Variants in CNTLN observed in about 807,000 individuals in gnomAD.
CNTLN encodes the protein centlein, centrosomal protein.
A neutral mutation model predicts 180.0 loss-of-function variants in CNTLN; 212 were observed. The observed-to-expected ratio is 1.18, with a 90% CI of 1.05 to 1.32. CNTLN has a LOEUF of 1.32. CNTLN is among the 40% of genes most tolerant of loss of function. The probability of loss-of-function intolerance (pLI) is 0.00; values close to 1 mark genes in which losing one functional copy is unlikely to be tolerated. For missense variants in CNTLN, 2,095 were observed against 1,610.9 expected (o/e 1.30, Z -5.14); for synonymous variants, 722 against 563.1 (o/e 1.28, Z -3.99).
intron 25 of CNTLN, chr9:17,495,128 C>T (rs969849337): frequency 2.9e-6 from 1 of 343,210 alleles, no homozygotes; most frequent in South Asian, 2.2e-5. Flanking sequence ...GATCTGCCTG[C>T]CTCAGCCTCT....
At chr9:17,221,239 A>G (rs1026936263) in intron 2 of CNTLN, among the ~76,000 whole-genome samples, 6 of 152,138 alleles carry the variant, frequency 3.9e-5, no homozygotes, top group Non-Finnish European at 7.4e-5. Flanking sequence ...GTGACAAATT[A>G]TAGGTAAAGT....
chr9:17,511,570 T>C, the CNTLN span, among the ~76,000 whole-genome samples: 1 of 152,030 alleles, frequency 6.6e-6, no homozygotes, highest in Admixed American at 6.6e-5. Flanking sequence ...TGCTAGCTAT[T>C]GGTTGGAGTC....
At chr9:17,506,583 T>C (rs1254122844), downstream of CNTLN, among the ~76,000 whole-genome samples, 1 of 152,156 alleles carries the variant, frequency 6.6e-6, no homozygotes, top group African/African-American at 2.4e-5. Context: ...CTGACAGCTT[T>C]GCCTATTTTA....
intron 5 of CNTLN, among the ~76,000 whole-genome samples, chr9:17,250,544 CAT>C (rs746483864): frequency 1.3e-5 from 2 of 151,932 alleles, no homozygotes; most frequent in Non-Finnish European, 2.9e-5. Context: ...GTAGATTGCA[CAT>C]ATCTTTCTAA....
intron 2 of CNTLN, among the ~76,000 whole-genome samples, chr9:17,193,490 G>T (rs1453356935): frequency 6.6e-6 from 1 of 151,924 alleles, no homozygotes; most frequent in African/African-American, 2.4e-5. Context: ...ATCCAGTGGG[G>T]CAGTCAAATC....
intron 12 of CNTLN, among the ~76,000 whole-genome samples, chr9:17,353,076 T>A (rs1315221749): frequency 6.6e-6 from 1 of 152,202 alleles, no homozygotes; most frequent in Non-Finnish European, 1.5e-5. Context: ...GGTATAAACC[T>A]ATGAGTGGAA....
intron 15 of CNTLN, among the ~76,000 whole-genome samples, chr9:17,398,707 G>A (rs913534003): frequency 6.6e-6 from 1 of 152,006 alleles, no homozygotes; most frequent in Non-Finnish European, 1.5e-5. Flanking sequence ...TTTATCATTG[G>A]TTTCTTTAAC....
chr9:17,415,905 A>T (rs923068073), intron 17 of CNTLN, 24 bp downstream of exon 17: 2 of 1,589,152 alleles, frequency 1.3e-6, no homozygotes, highest in Admixed American at 3.4e-5. Context: ...TGCAATTAAC[A>T]ATATGTCTTT....
At position 17,502,573 on chromosome 9, in the gene CNTLN, T is replaced by C. The variant is rs776325700; in HGVS notation, c.4142T>C (p.Leu1381Pro). The change falls in exon 26 of 26, where the codon CTA (leucine) becomes CCA (proline). Residue 1381 changes from leucine to proline, a missense_variant. By Grantham distance (98) the Leu-to-Pro change is moderately conservative (BLOSUM62 -3). Coordinates refer to ENST00000380647, the MANE Select transcript of CNTLN (RefSeq NM_017738.4). ...EGQLPFASYL[L>P]EAVLEKINEK... Reference sequence around the variant, plus strand: ...CAGCTTCCTTTTGCCTCATATTTACTAGAAGCAGTACTGGAAAAAATAAAT... The same window carrying C: ...CAGCTTCCTTTTGCCTCATATTTACCAGAAGCAGTACTGGAAAAAATAAAT... The C allele has an allele frequency of 2.1e-6, 3 of 1,403,856 alleles. No homozygotes were observed. Among genetic ancestry groups the C allele is most frequent in the Non-Finnish European group, 2.9e-6 (3 of 1,027,706 alleles). The allele number at this position is 1,403,856 out of a possible 1,614,324, so 87.0% of individuals were successfully genotyped here.
chr9:17,330,582 TGTAAGATACAAACATA>T, intron 8 of CNTLN, 34 bp from the exon 9 acceptor site: 1 of 964,602 alleles, frequency 1.0e-6, no homozygotes, highest in East Asian at 2.6e-5. Flanking sequence ...TTATAAATAA[TGTAAGATACAAACATA>T]GATATCTATT....
chr9:17,279,837 G>A (rs1347783551), intron 6 of CNTLN, among the ~76,000 whole-genome samples: 1 of 46,342 alleles, frequency 2.2e-5, no homozygotes, highest in Non-Finnish European at 3.9e-5. Flanking sequence ...ATTGGGCTCT[G>A]CCTTCATGAA....
At chr9:17,138,581 G>C (rs1817876571) in intron 1 of CNTLN, among the ~76,000 whole-genome samples, 1 of 152,110 alleles carries the variant, frequency 6.6e-6, no homozygotes, top group Non-Finnish European at 1.5e-5. Context: ...TCCACCAGTT[G>C]TTTGTAGCTG....
intron 23 of CNTLN, among the ~76,000 whole-genome samples, chr9:17,480,375 A>C (rs950467304): frequency 1.3e-5 from 2 of 150,604 alleles, no homozygotes; most frequent in African/African-American, 4.9e-5. Flanking sequence ...AAAAAAACAC[A>C]TTAGGAATGA....
At chr9:17,309,523 C>G (rs976365278) in intron 8 of CNTLN, among the ~76,000 whole-genome samples, 2 of 151,938 alleles carry the variant, frequency 1.3e-5, no homozygotes, top group African/African-American at 4.8e-5. Context: ...TATTGAAAAG[C>G]AAATTAATAG....
intron 23 of CNTLN, among the ~76,000 whole-genome samples, chr9:17,467,886 T>C (rs1831838265): frequency 2.0e-5 from 3 of 151,674 alleles, no homozygotes; most frequent in Non-Finnish European, 4.4e-5. Flanking sequence ...AATCCCATTA[T>C]TGGGTACATA....
chr9:17,241,072 A>C (rs1157095447), intron 5 of CNTLN, among the ~76,000 whole-genome samples: 1 of 152,014 alleles, frequency 6.6e-6, no homozygotes, highest in East Asian at 1.9e-4. Flanking sequence ...GTTAGCCAGG[A>C]TGGTCTCGAT....
chr9:17,289,781 T>C (rs1587511196), intron 6 of CNTLN, among the ~76,000 whole-genome samples: 1 of 144,114 alleles, frequency 6.9e-6, no homozygotes, highest in East Asian at 2.0e-4. Context: ...GCTGATACCC[T>C]TTCTTCCAGT....
rs193224957 is a variant in CNTLN at position 17,424,863 on chromosome 9, G to A, written c.3114+8674G>A. Among the ~76,000 whole-genome samples, 20 of 152,202 alleles carry A rather than the reference G, an allele frequency of 1.3e-4. No individual in the cohort carries two copies. The East Asian group carries it at 1.7e-3, about 13-fold the overall frequency. On this transcript the variant is annotated intron_variant, in intron 18 of 25. Coordinates refer to ENST00000380647, the MANE Select transcript of CNTLN (RefSeq NM_017738.4). ...GGCAATAAGGCCTTCACCAGATGCC[G>A]GAACCATGCTCTTAGACTTCCTAGC...
intron 5 of CNTLN, among the ~76,000 whole-genome samples, chr9:17,261,505 T>G (rs946983170): frequency 6.6e-6 from 1 of 151,510 alleles, no homozygotes; most frequent in Non-Finnish European, 1.5e-5. Context: ...ATGCTGCTGA[T>G]TTTTGTGCAT....
Sources: gnomAD v4.1 joint callset for allele counts (sites outside exome capture counted in the v4.1 genomes callset) on GRCh38, gnomAD v4.1.1 for gene constraint, MANE v1.5 for transcripts, NCBI Gene and HGNC (gene_info 2026-07-23, HGNC 2026-07-21) for gene names.